The following CACNA1H variants were observed in gnomAD, a reference collection of about 807,000 sequenced individuals.
CACNA1H encodes voltage-dependent T-type calcium channel subunit alpha-1H.
Under a neutral mutation model 192.5 loss-of-function variants are expected in CACNA1H, and 149 were observed. That is an observed-to-expected ratio of 0.77 (90% CI 0.68 to 0.89). The LOEUF (loss-of-function observed/expected upper bound fraction) is 0.89. CACNA1H is among the 40% of genes least tolerant of loss of function. The pLI, the probability that CACNA1H is intolerant of heterozygous loss-of-function variation, is 0.00. For synonymous variants in CACNA1H, 2,202 were observed against 1,475.2 expected, an observed-to-expected ratio of 1.49 and a Z score of -11.29; for missense variants, 4,257 against 3,423.5, an observed-to-expected ratio of 1.24 and a Z score of -6.08.
chr16:1,212,257 G>C, intron 25 of CACNA1H, 119 bp downstream of exon 25: 1 of 1,397,324 alleles, frequency 7.2e-7, no homozygotes, highest in African/African-American at 1.4e-5. Flanking sequence ...CACCCGCCTT[G>C]CCTGGGCCTG....
chr16:1,220,075 C>G lies in CACNA1H; in HGVS notation c.6143C>G (p.Pro2048Arg). Residue 2048 changes from proline (P) to arginine (R), a missense_variant, in exon 35 of 35, where the codon CCG (proline) becomes CGG (arginine). Physicochemically the swap from Pro to Arg is moderately radical, Grantham distance 103 (BLOSUM62 -2). Coordinates refer to ENST00000348261, the MANE Select transcript of CACNA1H (RefSeq NM_021098.3). ...CCTGGTGAGAAAACCCCGGTGAGGCCGGTGACCCAGGGGGGCTCCCTGCAG... is the reference window on the plus strand; with the variant it reads ...CCTGGTGAGAAAACCCCGGTGAGGCGGGTGACCCAGGGGGGCTCCCTGCAG... ...AEPGEKTPVR[P>R]VTQGGSLQSP... 2 of 1,446,136 alleles carry G rather than the reference C, an allele frequency of 1.4e-6. No individual in the cohort carries two copies. The highest frequency in any genetic ancestry group is 1.8e-6 in the Non-Finnish European group (2 of 1,101,636). 89.6% of individuals were successfully genotyped at this position (1,446,136 alleles called of 1,614,324 possible). A position where few individuals can be genotyped will look rare whatever the true frequency, so the allele number is the denominator to read the frequency against.
chr16:1,182,050 G>T (rs1224812718), intron 2 of CACNA1H, among the ~76,000 whole-genome samples: 1 of 152,242 alleles, frequency 6.6e-6, no homozygotes, highest in African/African-American at 2.4e-5. Flanking sequence ...TCCCCACACA[G>T]ATGGACACAA....
At chr16:1,184,419 C>T (rs994573499) in intron 2 of CACNA1H, among the ~76,000 whole-genome samples, 1 of 152,258 alleles carries the variant, frequency 6.6e-6, no homozygotes, top group Non-Finnish European at 1.5e-5. Flanking sequence ...GGCACCTGCA[C>T]ACAGCAGCTG....
Position 1,153,736 on chromosome 16 carries a change from C to T in CACNA1H, c.-2C>T, listed in dbSNP as rs1345715795. On this transcript the variant is annotated 5_prime_UTR_variant, in exon 2 of 35. Coordinates refer to ENST00000348261, the MANE Select transcript of CACNA1H (RefSeq NM_021098.3). The stretch of plus-strand genomic sequence containing the variant: ...CCTCTGCAGGTGCTGCCGGCCGCCA[C>T]CATGACCGAGGGCGCACGGGCCGCC... The T allele has an allele frequency of 2.5e-6, 3 of 1,208,496 alleles. No individual in the cohort carries two copies. Among genetic ancestry groups the T allele is most frequent in the East Asian group, 7.1e-5 (2 of 28,368 alleles). The allele number at this position is 1,208,496 out of a possible 1,614,324, so 74.9% of individuals were successfully genotyped here.
chr16:1,204,501 T>C (rs765977086), intron 10 of CACNA1H, 43 bp downstream of exon 10: 1 of 1,462,470 alleles, frequency 6.8e-7, no homozygotes, highest in Non-Finnish European at 9.2e-7. Flanking sequence ...CTGTCAGGCT[T>C]GCAGGGCCTG....
rs545262024 is a variant in CACNA1H, at chr16:1,211,262, T to G, written c.4318T>G (p.Phe1440Val). Residue 1440 changes from phenylalanine (F) to valine (V), a missense_variant, in exon 22 of 35, where the codon TTC becomes GTC. Phe to Val is a conservative substitution (Grantham distance 50). Coordinates refer to ENST00000348261, the MANE Select transcript of CACNA1H (RefSeq NM_021098.3). ...GAACATCGTCCTCATCTGCTGCGCCTTCTTCATCATTTTTGGCATTTTGGG... is the reference window on the plus strand; with the variant it reads ...GAACATCGTCCTCATCTGCTGCGCCGTCTTCATCATTTTTGGCATTTTGGG... ...IGNIVLICCA[F>V]FIIFGILGVQ... 1.6e-5 allele frequency: 26 copies of G among 1,613,116 alleles called. No individual in the cohort carries two copies. The highest frequency in any genetic ancestry group is 2.7e-5 in the African/African-American group (2 of 75,058).
At position 1,167,839 on chromosome 16, in the gene CACNA1H, G is replaced by A. The variant is rs551584926; in HGVS notation, c.299+13803G>A. Among the ~76,000 whole-genome samples the A allele has an allele frequency of 3.9e-4, 59 of 152,318 alleles. No individual in the cohort carries two copies. The highest frequency in any genetic ancestry group is 1.3e-3 in the African/African-American group (56 of 41,582). ...GAAAGTGCACCTGCGAGGTTGGGGC[G>A]TGGCCTGGCCGTCCGTCCGCGGGGC... On this transcript the variant is annotated intron_variant, in intron 2 of 34. Coordinates refer to ENST00000348261, the MANE Select transcript of CACNA1H (RefSeq NM_021098.3). This position sits in a 1 kb window ranked among gnomAD's most constrained non-coding sequence, Gnocchi z 4.2.
At chr16:1,194,348 C>T (rs1966842149) in intron 2 of CACNA1H, among the ~76,000 whole-genome samples, 1 of 152,206 alleles carries the variant, frequency 6.6e-6, no homozygotes, top group Non-Finnish European at 1.5e-5. Flanking sequence ...AAGGTCCCTC[C>T]TGGGTCCACA....
chr16:1,178,233 C>T (rs987040557), intron 2 of CACNA1H, among the ~76,000 whole-genome samples: 7 of 136,804 alleles, frequency 5.1e-5, no homozygotes, highest in East Asian at 2.2e-4. Context: ...GATCCCCCAA[C>T]GGGCTCTCCT....
At position 1,210,605 on chromosome 16, in the gene CACNA1H, C is replaced by G. The variant is rs931098102; in HGVS notation, c.3992C>G (p.Ser1331Cys). ...GSTERVFLSV[S>C]NYIFTAIFVA... ...CAGGAGCGGGTCTTCCTCAGCGTCT[C>G]CAATTACATCTTCACGGCCATCTTC... Residue 1331 changes from serine (S) to cysteine (C), a missense_variant, in exon 20 of 35, where the codon TCC becomes TGC. Ser to Cys is a moderately radical substitution (Grantham distance 112, BLOSUM62 -1). Transcript: ENST00000348261. 6.2e-7 allele frequency: 1 copy of G among 1,607,968 alleles called. No homozygotes were observed. The highest frequency in any genetic ancestry group is 1.3e-5 in the African/African-American group (1 of 74,918).
At chr16:1,209,005 A>G (rs1969099032) in intron 16 of CACNA1H, 27 bp from the exon 17 acceptor site, 2 of 1,471,894 alleles carry the variant, frequency 1.4e-6, no homozygotes, top group African/African-American at 2.9e-5. Flanking sequence ...TGATGCCACC[A>G]GGTCACTGAC....
intron 2 of CACNA1H, among the ~76,000 whole-genome samples, chr16:1,160,576 G>T (rs1023501232): frequency 6.6e-6 from 1 of 152,208 alleles, no homozygotes; most frequent in African/African-American, 2.4e-5. Flanking sequence ...GCAGCTTGCC[G>T]TGGTGCAGGG....
intron 2 of CACNA1H, among the ~76,000 whole-genome samples, chr16:1,169,186 G>GGGGCTT (rs1964110153): frequency 6.9e-6 from 1 of 145,788 alleles, no homozygotes; most frequent in South Asian, 2.2e-4. Context: ...GGGTGGGGGT[G>GGGGCTT]GGGCTTGCTG....
chr16:1,185,692 T>C lies in CACNA1H; in HGVS notation c.300-9280T>C, dbSNP rs1280663812. Among the ~76,000 whole-genome samples, 113 of 47,946 alleles carry C rather than the reference T, an allele frequency of 2.4e-3. 2 individuals are homozygous for C. Among genetic ancestry groups the C allele is most frequent in the Non-Finnish European group, 3.4e-3 (76 of 22,142 alleles). The allele number at this position is 47,946 out of a possible 152,430, so 31.5% of individuals were successfully genotyped here. On this transcript the variant is annotated intron_variant, in intron 2 of 34. Transcript: ENST00000348261. ...GGAGGCGGGGTGTGTACGGGGCGGG[T>C]GAGTAGACGGTCGGCGTGCGTAGGG...
intron 2 of CACNA1H, among the ~76,000 whole-genome samples, chr16:1,194,079 C>T (rs930319400): frequency 5.3e-5 from 8 of 152,004 alleles, no homozygotes; most frequent in East Asian, 1.9e-4. Context: ...GAGCCGTGGG[C>T]GCTGAGGCCT....
In CACNA1H at chr16:1,210,935, G is replaced by A. The variant is rs1407324184; in HGVS notation, c.4187G>A (p.Arg1396His). 2.5e-6 allele frequency: 4 copies of A among 1,601,040 alleles called. No homozygotes were observed. The highest frequency in any genetic ancestry group is 3.4e-6 in the Non-Finnish European group (4 of 1,179,564). The change falls in exon 21 of 35, where the codon CGC (arginine) becomes CAC (histidine). Residue 1396 changes from arginine (R) to histidine (H), a missense_variant. By Grantham distance (29) the Arg-to-His change is conservative. Coordinates refer to ENST00000348261, the MANE Select transcript of CACNA1H (RefSeq NM_021098.3). ...AGGAKILGVL[R>H]VLRLLRTLRP... is the part of the protein sequence containing the mutation. ...GGCGCCAAGATCCTGGGTGTTCTGC[G>A]CGTGCTGCGTCTGCTGCGGACCCTG...
At chr16:1,203,761 T>C (rs1968294628) in intron 9 of CACNA1H, among the ~76,000 whole-genome samples, 1 of 152,154 alleles carries the variant, frequency 6.6e-6, no homozygotes, top group Non-Finnish European at 1.5e-5. Context: ...CTTTGGTTTC[T>C]TCTTATTGGA....
At chr16:1,186,206 G>C (rs183592322) in intron 2 of CACNA1H, among the ~76,000 whole-genome samples, 54 of 151,332 alleles carry the variant, frequency 3.6e-4, no homozygotes, top group Admixed American at 5.9e-4. Context: ...AGGGTGTACC[G>C]TGCTGGTCCT....
chr16:1,193,523 C>T (rs1009593618), intron 2 of CACNA1H, among the ~76,000 whole-genome samples: 4 of 152,366 alleles, frequency 2.6e-5, no homozygotes, highest in African/African-American at 7.2e-5. Flanking sequence ...GCAGTGGGTG[C>T]GTCATCGGTA....
Sources: allele counts gnomAD v4.1 joint callset (sites outside exome capture counted in the v4.1 genomes callset), GRCh38; gene constraint gnomAD v4.1.1; non-coding constraint Gnocchi (gnomAD v3.1); transcripts MANE v1.5; gene names NCBI Gene and HGNC (gene_info 2026-07-23, HGNC 2026-07-21).